Variants in GRM5 observed in about 807,000 individuals in gnomAD.
GRM5 encodes the protein glutamate metabotropic receptor 5.
In GRM5, 19 loss-of-function variants were observed where a neutral mutation model predicts 83.1. That is an observed-to-expected ratio of 0.23 (90% CI 0.16 to 0.34). The LOEUF (loss-of-function observed/expected upper bound fraction) is 0.34, where lower values mean the gene tolerates loss of function less well. Among genes scored for constraint, GRM5 ranks in the 10% least tolerant of loss-of-function variants. The pLI is 1.00. For synonymous variants in GRM5, 675 were observed against 633.6 expected, an observed-to-expected ratio of 1.07 and a Z score of -0.98; for missense variants, 1,160 against 1,588.3, an observed-to-expected ratio of 0.73 and a Z score of 4.58.
In GRM5 at chr11:88,653,264, G is replaced by T. The variant is rs746488178; in HGVS notation, c.1051C>A (p.Arg351=). ...CAAAATTCTTGAAACCAAGGGTTTC[G>T]GTGGTTTGTTTCTGGCCGGAGCTTC... ...YLKLRPETNH[R]NPWFQEFWQH... The change falls in exon 4 of 10, where the codon CGA becomes AGA. Residue 351 remains arginine, a synonymous_variant. Coordinates refer to ENST00000305447, the MANE Select transcript of GRM5 (RefSeq NM_001143831.3). 3.1e-6 allele frequency: 5 copies of T among 1,613,124 alleles called. No individual in the cohort carries two copies. The South Asian group carries it at 5.5e-5, about 18-fold the overall frequency.
chr11:88,869,118 C>T (rs1028092094), intron 2 of GRM5, among the ~76,000 whole-genome samples: 13 of 151,794 alleles, frequency 8.6e-5, no homozygotes, highest in African/African-American at 2.7e-4. Flanking sequence ...CAGATGGAAG[C>T]AGCCAATGTG....
At chr11:88,886,046 T>C (rs554987944) in intron 2 of GRM5, among the ~76,000 whole-genome samples, 2 of 152,304 alleles carry the variant, frequency 1.3e-5, no homozygotes, top group South Asian at 4.1e-4. Context: ...ACATCATACC[T>C]GATCAAACCA....
chr11:88,551,797 G>A (rs1455504491), intron 8 of GRM5, among the ~76,000 whole-genome samples: 1 of 152,190 alleles, frequency 6.6e-6, no homozygotes, highest in East Asian at 1.9e-4. Flanking sequence ...GAGTACACAT[G>A]GGCACATGGT....
intron 2 of GRM5, among the ~76,000 whole-genome samples, chr11:88,888,497 A>G (rs1411614887): frequency 6.6e-6 from 1 of 152,152 alleles, no homozygotes; most frequent in Non-Finnish European, 1.5e-5. Flanking sequence ...ACTGTTTTCA[A>G]TGGCCCTTTT....
chr11:88,548,623 A>G (rs1262438951), intron 8 of GRM5, among the ~76,000 whole-genome samples: 4 of 152,204 alleles, frequency 2.6e-5, no homozygotes, highest in Non-Finnish European at 5.9e-5. Context: ...CCCTCAAAAT[A>G]AAACACTTTA....
At chr11:88,610,290 T>A (rs996977620) in intron 4 of GRM5, among the ~76,000 whole-genome samples, 1 of 152,218 alleles carries the variant, frequency 6.6e-6, no homozygotes, top group African/African-American at 2.4e-5. Context: ...TAGCAATGTA[T>A]CTGTAAATTA....
intron 2 of GRM5, among the ~76,000 whole-genome samples, chr11:88,996,682 G>C (rs1439722037): frequency 6.6e-6 from 1 of 152,138 alleles, no homozygotes; most frequent in African/African-American, 2.4e-5. Context: ...GGCATTTATA[G>C]AACATTCCAT....
At chr11:88,849,115 C>G (rs1565260265) in intron 3 of GRM5, among the ~76,000 whole-genome samples, 2 of 151,710 alleles carry the variant, frequency 1.3e-5, no homozygotes, top group Admixed American at 1.3e-4. Flanking sequence ...ATCACATGAA[C>G]CAATTCCTTG....
At chr11:88,869,258 T>G (rs1215385658) in intron 2 of GRM5, among the ~76,000 whole-genome samples, 3 of 151,668 alleles carry the variant, frequency 2.0e-5, no homozygotes, top group African/African-American at 7.3e-5. Context: ...GGTGAATCAC[T>G]TTTAGAAACA....
At chr11:89,030,232 C>G (rs1411220879) in intron 2 of GRM5, among the ~76,000 whole-genome samples, 3 of 151,970 alleles carry the variant, frequency 2.0e-5, no homozygotes, top group Admixed American at 6.6e-5. Flanking sequence ...CAGTAAAATT[C>G]TTTTTCAATA....
intron 8 of GRM5, among the ~76,000 whole-genome samples, chr11:88,562,323 A>G (rs1424828684): frequency 6.6e-6 from 1 of 152,146 alleles, no homozygotes; most frequent in African/African-American, 2.4e-5. Context: ...CAGTCCATAT[A>G]TGCTTAGCTC....
At chr11:88,609,483 G>A (rs760410799) in intron 4 of GRM5, among the ~76,000 whole-genome samples, 1 of 152,102 alleles carries the variant, frequency 6.6e-6, no homozygotes, top group Admixed American at 6.6e-5. Context: ...AACATATAAA[G>A]GGATGTGTCT....
intron 2 of GRM5, among the ~76,000 whole-genome samples, chr11:88,893,840 A>T (rs316102): frequency 0.94 from 143,373 of 151,990 alleles, 67,673 homozygotes; most frequent in South Asian, 0.97. Flanking sequence ...ACCCCTTAAC[A>T]GCAGTTAGGG....
At chr11:88,815,076 G>T (rs1943651858) in intron 3 of GRM5, among the ~76,000 whole-genome samples, 1 of 152,100 alleles carries the variant, frequency 6.6e-6, no homozygotes, top group Admixed American at 6.6e-5. Context: ...CACTCAACAA[G>T]GGCTAACTGA....
intron 3 of GRM5, among the ~76,000 whole-genome samples, chr11:88,661,241 T>C (rs1422027142): frequency 6.6e-6 from 1 of 152,318 alleles, no homozygotes; most frequent in Non-Finnish European, 1.5e-5. Context: ...ATGTAACTTG[T>C]TTAAAAATTA....
chr11:88,811,277 A>T (rs1362517076), intron 3 of GRM5, among the ~76,000 whole-genome samples: 1 of 152,108 alleles, frequency 6.6e-6, no homozygotes, highest in Admixed American at 6.6e-5. Context: ...ACACATTTTG[A>T]TAGACTTTGT....
At chr11:89,049,566 G>C (rs1941713617) in intron 1 of GRM5, among the ~76,000 whole-genome samples, 1 of 152,146 alleles carries the variant, frequency 6.6e-6, no homozygotes, top group African/African-American at 2.4e-5. Flanking sequence ...AAAAAGTTAA[G>C]TCCAGACACA....
intron 2 of GRM5, among the ~76,000 whole-genome samples, chr11:88,898,006 G>A (rs1945257253): frequency 6.6e-6 from 1 of 151,940 alleles, no homozygotes; most frequent in Non-Finnish European, 1.5e-5. Context: ...CAGAAATACT[G>A]TCTCACAGTT....
At chr11:89,025,756 C>T (rs1180680017) in intron 2 of GRM5, among the ~76,000 whole-genome samples, 1 of 152,126 alleles carries the variant, frequency 6.6e-6, no homozygotes, top group Non-Finnish European at 1.5e-5. Context: ...TGTTTAGCTG[C>T]TATGCAAAAC....
Sources: gnomAD v4.1 joint callset for allele counts (sites outside exome capture counted in the v4.1 genomes callset) on GRCh38, gnomAD v4.1.1 for gene constraint, MANE v1.5 for transcripts, NCBI Gene and HGNC (gene_info 2026-07-23, HGNC 2026-07-21) for gene names.